The following ARID2 variants were observed in gnomAD, a reference collection of about 807,000 sequenced individuals.
The protein encoded by ARID2 is AT-rich interaction domain 2.
Under a neutral mutation model 184.6 loss-of-function variants are expected in ARID2, and 32 were observed. That is an observed-to-expected ratio of 0.17 (90% confidence interval 0.13 to 0.23). The LOEUF (loss-of-function observed/expected upper bound fraction) is 0.23. ARID2 is among the 10% of genes least tolerant of loss of function. The pLI is 1.00. For synonymous variants in ARID2, 836 were observed against 772.6 expected, an observed-to-expected ratio of 1.08 and a Z score of -1.36; for missense variants, 1,696 against 2,197.6, an observed-to-expected ratio of 0.77 and a Z score of 4.56.
At chr12:45,813,173 CAT>C (rs560388728) in intron 4 of ARID2, among the ~76,000 whole-genome samples, 38 of 152,030 alleles carry the variant, frequency 2.5e-4, no homozygotes, top group South Asian at 4.1e-4. Flanking sequence ...TTATGTGTAA[CAT>C]GTGTAATGAA....
chr12:45,895,681 C>A (rs1222733191), intron 20 of ARID2, among the ~76,000 whole-genome samples: 1 of 152,154 alleles, frequency 6.6e-6, no homozygotes, highest in East Asian at 1.9e-4. Context: ...ATTATCGGCT[C>A]ATGCCACTAT....
intron 6 of ARID2, among the ~76,000 whole-genome samples, chr12:45,831,641 A>G (rs1752424299): frequency 6.6e-6 from 1 of 152,204 alleles, no homozygotes; most frequent in South Asian, 2.1e-4. Flanking sequence ...TTTTGTACCT[A>G]TTAACCATTC....
At chr12:45,857,790 C>T (rs946927404) in intron 15 of ARID2, among the ~76,000 whole-genome samples, 1 of 152,088 alleles carries the variant, frequency 6.6e-6, no homozygotes, top group African/African-American at 2.4e-5. Flanking sequence ...TACAGAGCCT[C>T]GCTCTGTTGC....
intron 3 of ARID2, among the ~76,000 whole-genome samples, chr12:45,786,947 A>T (rs1489244184): frequency 1.3e-5 from 2 of 152,218 alleles, no homozygotes; most frequent in African/African-American, 4.8e-5. Flanking sequence ...CACACTCATA[A>T]AACAAAATAG....
At chr12:45,895,087 C>T (rs1397968329) in intron 20 of ARID2, among the ~76,000 whole-genome samples, 1 of 152,202 alleles carries the variant, frequency 6.6e-6, no homozygotes, top group Non-Finnish European at 1.5e-5. Context: ...CCCTACTGAG[C>T]TTGTTCTCCT....
At position 45,797,865 on chromosome 12, in the gene ARID2, T is replaced by A. The variant is rs562405393; in HGVS notation, c.285-13553T>A. On this transcript the variant is annotated intron_variant, in intron 3 of 20. Coordinates refer to ENST00000334344, the MANE Select transcript of ARID2 (RefSeq NM_152641.4). ...TCTTCATTTTGTTTTAAATATTGTA[T>A]CTTTTAATATATTATTTTTTAATTT... 3.1e-4 allele frequency among the ~76,000 whole-genome samples: 47 copies of A among 152,120 alleles called. No individual in the cohort carries two copies. The South Asian group carries it at 9.5e-3, about 31-fold the overall frequency.
At chr12:45,820,956 AT>A (rs1942884408) in intron 5 of ARID2, among the ~76,000 whole-genome samples, 1 of 152,138 alleles carries the variant, frequency 6.6e-6, no homozygotes, top group Non-Finnish European at 1.5e-5. Flanking sequence ...CTTAAAGGAG[AT>A]TTATGGGAAT....
chr12:45,729,960 G>C (rs1175940858), intron 1 of ARID2, 32 bp downstream of exon 1: 2 of 1,603,058 alleles, frequency 1.2e-6, no homozygotes, highest in East Asian at 4.5e-5. Flanking sequence ...CAGCGCCGGG[G>C]CGAGCCGGGG....
In ARID2 at chr12:45,738,955, A is replaced by C. The variant is rs181329332; in HGVS notation, c.284+7641A>C. ...TTCCCTGCTGATAGACCTGCTGTAC[A>C]TTTTACAGAGTGTTGTCTTTTTTTT... On this transcript the variant is annotated intron_variant, in intron 3 of 20. Transcript: ENST00000334344. Among the ~76,000 whole-genome samples the C allele has an allele frequency of 4.8e-4, 72 of 151,260 alleles. 3 individuals carry two copies. Among genetic ancestry groups the C allele is most frequent in the African/African-American group, 1.7e-3 (70 of 41,168 alleles).
chr12:45,880,860 A>G (rs1944088870), intron 16 of ARID2: 2 of 169,040 alleles, frequency 1.2e-5, no homozygotes, highest in South Asian at 1.4e-4. Flanking sequence ...ATTCAAGACA[A>G]CTGTCAGATG....
In ARID2 at chr12:45,905,964, G is replaced by A. The variant is rs1327633236; in HGVS notation, c.*886G>A. On this transcript the variant is annotated 3_prime_UTR_variant, in exon 21 of 21. Transcript: ENST00000334344. ...TCTTTTTTTTTTTCTTTTTTTTTTT[G>A]TATTATACACCTTGTAGAACTCATT... 2 of 111,020 alleles carry A rather than the reference G, an allele frequency of 1.8e-5. No homozygotes were observed. Among genetic ancestry groups the A allele is most frequent in the Admixed American group, 1.5e-4 (1 of 6,486 alleles). The allele number at this position is 111,020 out of a possible 1,614,324, so 6.9% of individuals were successfully genotyped here.
intron 16 of ARID2, among the ~76,000 whole-genome samples, chr12:45,879,084 AC>A (rs1387710944): frequency 1.3e-5 from 2 of 152,172 alleles, no homozygotes; most frequent in Non-Finnish European, 2.9e-5. Context: ...ACCTGTTGAT[AC>A]AGTGGTAAGG....
In ARID2 at chr12:45,852,128, A is replaced by G. The variant is rs1311559913; in HGVS notation, c.4005A>G (p.Ala1335=). 1 of 1,614,194 alleles carries G rather than the reference A, an allele frequency of 6.2e-7. No individual in the cohort carries two copies. The highest frequency in any genetic ancestry group is 1.1e-5 in the South Asian group (1 of 91,088). Residue 1335 remains alanine, a synonymous_variant, in exon 15 of 21, where the codon GCA becomes GCG. Coordinates refer to ENST00000334344, the MANE Select transcript of ARID2 (RefSeq NM_152641.4). The part of the protein sequence containing the change: ...GPSLELGENG[A]SGKQNSEQID... ...CATTGGAATTAGGTGAGAATGGAGC[A>G]TCTGGGAAACAGAACTCAGAACAAA...
rs149129701 is a variant in ARID2, at chr12:45,905,383, G to A, written c.*305G>A. The A allele has an allele frequency of 1.3e-3, 360 of 268,656 alleles. 1 individual carries two copies. Among genetic ancestry groups the A allele is most frequent in the African/African-American group, 7.2e-3 (335 of 46,344 alleles). The allele number at this position is 268,656 out of a possible 1,614,324, so 16.6% of individuals were successfully genotyped here. ...TGGAAACTGGTATGATCAGAATTCA[G>A]TACCATCCACATTGGAATATACATG... On this transcript the variant is annotated 3_prime_UTR_variant, in exon 21 of 21. Coordinates refer to ENST00000334344, the MANE Select transcript of ARID2 (RefSeq NM_152641.4).
intron 16 of ARID2, among the ~76,000 whole-genome samples, chr12:45,866,313 A>G (rs1362041310): frequency 1.3e-5 from 2 of 152,154 alleles, no homozygotes. Flanking sequence ...ATGAGGACAC[A>G]TTTCTTTCCA....
rs2138129285 is a variant in ARID2, at chr12:45,837,076, C to A, written c.1023+85C>A. ...TTTAGGATGTGGCATTTTATAGTTG[C>A]CATATTTATAGACTATTAAATGCTT... On this transcript the variant is annotated intron_variant, in intron 8 of 20. Coordinates refer to ENST00000334344, the MANE Select transcript of ARID2 (RefSeq NM_152641.4). The A allele has an allele frequency of 8.0e-6, 12 of 1,490,806 alleles. No individual in the cohort carries two copies. In the South Asian group the frequency reaches 1.6e-4, roughly 20 times the overall value. The allele number at this position is 1,490,806 out of a possible 1,614,324, so 92.3% of individuals were successfully genotyped here.
At chr12:45,883,840 T>C (rs892030294) in intron 16 of ARID2, among the ~76,000 whole-genome samples, 2 of 152,042 alleles carry the variant, frequency 1.3e-5, no homozygotes, top group African/African-American at 2.4e-5. Flanking sequence ...TAAGATGATA[T>C]ATGTGAATAT....
intron 3 of ARID2, among the ~76,000 whole-genome samples, chr12:45,806,823 C>A (rs1157162370): frequency 6.6e-6 from 1 of 152,182 alleles, no homozygotes; most frequent in East Asian, 1.9e-4. Flanking sequence ...GCTGGTGCTT[C>A]TCATAGTTGC....
intron 11 of ARID2, among the ~76,000 whole-genome samples, chr12:45,843,340 G>A (rs1240348934): frequency 6.7e-6 from 1 of 149,068 alleles, no homozygotes. Flanking sequence ...CATTCCCTGA[G>A]TTTCTGGATC....
Sources: gnomAD v4.1 joint callset for allele counts (sites outside exome capture counted in the v4.1 genomes callset) on GRCh38, gnomAD v4.1.1 for gene constraint, MANE v1.5 for transcripts, NCBI Gene and HGNC (gene_info 2026-07-23, HGNC 2026-07-21) for gene names.